DPYD: variants seen among roughly 807,000 people sequenced by gnomAD.
The protein encoded by DPYD is dihydropyrimidine dehydrogenase [NADP(+)].
In DPYD, 109 loss-of-function variants were observed where a neutral mutation model predicts 116.2. The observed-to-expected ratio is 0.94, with a 90% CI of 0.80 to 1.10. The LOEUF is 1.10. Ranked by LOEUF, DPYD falls within the 50% of genes least tolerant of loss-of-function variation. The pLI, the probability that DPYD is intolerant of heterozygous loss-of-function variation, is 0.00. For missense variants in DPYD, 1,302 were observed against 1,254.5 expected, an observed-to-expected ratio of 1.04 and a Z score of -0.57; for synonymous variants, 440 against 432.0, an observed-to-expected ratio of 1.02 and a Z score of -0.23.
chr1:97,302,845 C>G (rs534342688), intron 18 of DPYD, among the ~76,000 whole-genome samples: 3 of 152,004 alleles, frequency 2.0e-5, no homozygotes, highest in African/African-American at 7.2e-5. Flanking sequence ...TTACAGTTCA[C>G]TAAACTTGAT....
intron 20 of DPYD, among the ~76,000 whole-genome samples, chr1:97,129,956 C>A (rs1019929671): frequency 1.3e-5 from 2 of 152,138 alleles, no homozygotes; most frequent in Non-Finnish European, 2.9e-5. Context: ...CTGGTCCATA[C>A]CCTGACATTT....
At chr1:97,872,321 GT>G (rs1298349008) in intron 2 of DPYD, among the ~76,000 whole-genome samples, 2 of 151,822 alleles carry the variant, frequency 1.3e-5, no homozygotes, top group Non-Finnish European at 2.9e-5. Flanking sequence ...CCATAAAGTT[GT>G]TTAAAAAAAT....
chr1:97,261,938 C>T (rs1202654615), intron 18 of DPYD, among the ~76,000 whole-genome samples: 1 of 151,962 alleles, frequency 6.6e-6, no homozygotes, highest in African/African-American at 2.4e-5. Context: ...TAATTATTCA[C>T]ACCTCTGTGT....
At chr1:97,094,344 T>C (rs1301158015) in intron 21 of DPYD, among the ~76,000 whole-genome samples, 2 of 151,994 alleles carry the variant, frequency 1.3e-5, no homozygotes, top group Non-Finnish European at 2.9e-5. Context: ...ATGGATTAGA[T>C]AAGGAGGACA....
intron 3 of DPYD, among the ~76,000 whole-genome samples, chr1:97,762,484 T>A (rs918929105): frequency 6.6e-6 from 1 of 152,130 alleles, no homozygotes; most frequent in Non-Finnish European, 1.5e-5. Context: ...AACAAATAGC[T>A]GATAGAAGGA....
At chr1:97,363,394 C>T (rs753678740) in intron 16 of DPYD, among the ~76,000 whole-genome samples, 3 of 152,084 alleles carry the variant, frequency 2.0e-5, no homozygotes, top group Non-Finnish European at 4.4e-5. Flanking sequence ...GACAGTGTGG[C>T]GATTTGTCAA....
At chr1:97,358,621 C>T (rs370071845) in intron 16 of DPYD, among the ~76,000 whole-genome samples, 1 of 152,064 alleles carries the variant, frequency 6.6e-6, no homozygotes, top group East Asian at 1.9e-4. Context: ...GATCAGGTCG[C>T]AATATTTGCT....
intron 20 of DPYD, among the ~76,000 whole-genome samples, chr1:97,165,048 T>C (rs1322342060): frequency 6.6e-6 from 1 of 152,010 alleles, no homozygotes; most frequent in Non-Finnish European, 1.5e-5. Flanking sequence ...AAATTATCAA[T>C]GATATTCTTC....
intron 9 of DPYD, 34 bp from the exon 10 acceptor site, chr1:97,593,421 A>G: frequency 3.1e-6 from 5 of 1,611,990 alleles, no homozygotes; most frequent in Non-Finnish European, 4.2e-6. Flanking sequence ...ATTTTCAAGT[A>G]GAGAAACCAT....
At chr1:97,883,769 A>G (rs1672343920) in intron 1 of DPYD, 1 of 406,422 alleles carries the variant, frequency 2.5e-6, no homozygotes, top group Non-Finnish European at 4.7e-6. Flanking sequence ...ATCAAACTTT[A>G]TCTAAGATTT....
intron 8 of DPYD, among the ~76,000 whole-genome samples, chr1:97,626,209 C>A (rs1236539524): frequency 2.6e-5 from 4 of 151,918 alleles, no homozygotes; most frequent in East Asian, 3.9e-4. Context: ...ATTTTGTCAG[C>A]GTTTCATTAA....
intron 7 of DPYD, among the ~76,000 whole-genome samples, chr1:97,684,492 G>A (rs1203161256): frequency 6.6e-6 from 1 of 151,650 alleles, no homozygotes; most frequent in Non-Finnish European, 1.5e-5. Context: ...AACTCCAAGA[G>A]CGGAACTGAA....
chr1:97,223,160 A>T (rs1254524033), intron 19 of DPYD, among the ~76,000 whole-genome samples: 1 of 152,042 alleles, frequency 6.6e-6, no homozygotes, highest in African/African-American at 2.4e-5. Context: ...ATTTTAATAA[A>T]ATAATACATT....
At chr1:97,458,452 A>C (rs1160458634) in intron 13 of DPYD, among the ~76,000 whole-genome samples, 4 of 152,116 alleles carry the variant, frequency 2.6e-5, no homozygotes, top group Non-Finnish European at 1.5e-5. Flanking sequence ...AAAATAAGGA[A>C]ATTTCTGAGA....
At chr1:97,223,782 G>A (rs926287797) in intron 19 of DPYD, among the ~76,000 whole-genome samples, 8 of 151,916 alleles carry the variant, frequency 5.3e-5, no homozygotes, top group African/African-American at 1.9e-4. Context: ...GATAAGATCT[G>A]GGACTAACAG....
Position 97,804,028 on chromosome 1 carries a change from T to C in DPYD, c.233+24086A>G, listed in dbSNP as rs189450617. 3.0e-4 allele frequency among the ~76,000 whole-genome samples: 46 copies of C among 151,970 alleles called. 1 individual carries two copies. Among genetic ancestry groups the C allele is most frequent in the Middle Eastern group, 6.8e-3 (2 of 294 alleles). ...ATGGTTTTAAATCGAAGTAGTTTTA[T>C]GAACAATTGTGCTAAATAGCAATGA... On this transcript the variant is annotated intron_variant, in intron 3 of 22. Transcript: ENST00000370192.
chr1:97,789,370 T>C (rs1667203431), intron 3 of DPYD, among the ~76,000 whole-genome samples: 1 of 152,226 alleles, frequency 6.6e-6, no homozygotes, highest in South Asian at 2.1e-4. Flanking sequence ...TTTAATGATA[T>C]GGCTTCTGAC....
intron 8 of DPYD, among the ~76,000 whole-genome samples, chr1:97,629,359 TG>T (rs1657118039): frequency 6.6e-6 from 1 of 151,968 alleles, no homozygotes; most frequent in South Asian, 2.1e-4. Context: ...ATAAAGCATG[TG>T]TTAAAAAGTC....
intron 14 of DPYD, among the ~76,000 whole-genome samples, chr1:97,444,003 T>G (rs941060815): frequency 6.6e-6 from 1 of 152,174 alleles, no homozygotes; most frequent in Non-Finnish European, 1.5e-5. Context: ...GAATTTCAGA[T>G]GAGGCCAGGT....
Sources: allele counts gnomAD v4.1 joint callset (sites outside exome capture counted in the v4.1 genomes callset), GRCh38; gene constraint gnomAD v4.1.1; transcripts MANE v1.5; gene names NCBI Gene and HGNC (gene_info 2026-07-23, HGNC 2026-07-21).